The following GRM5 variants were observed in gnomAD, a reference collection of about 807,000 sequenced individuals.
GRM5 encodes the protein glutamate metabotropic receptor 5, also known as metabotropic glutamate receptor 5.
In GRM5, 19 loss-of-function variants were observed where a neutral mutation model predicts 83.1. That is an observed-to-expected ratio of 0.23 (90% CI 0.16 to 0.34). GRM5 has a LOEUF of 0.34. GRM5 is among the 10% of genes least tolerant of loss of function. The pLI, the probability that GRM5 is intolerant of heterozygous loss-of-function variation, is 1.00. For synonymous variants in GRM5, 675 were observed against 633.6 expected, an observed-to-expected ratio of 1.07 and a Z score of -0.98; for missense variants, 1,160 against 1,588.3, an observed-to-expected ratio of 0.73 and a Z score of 4.58.
At chr11:88,988,269 GATGAAATGA>G (rs1002066837) in intron 2 of GRM5, among the ~76,000 whole-genome samples, 3 of 152,094 alleles carry the variant, frequency 2.0e-5, no homozygotes, top group Non-Finnish European at 4.4e-5. Context: ...AGCGATGGAA[GATGAAATGA>G]ATGAAATGAA....
At chr11:88,651,272 A>AAATG in intron 4 of GRM5, among the ~76,000 whole-genome samples, 1 of 152,210 alleles carries the variant, frequency 6.6e-6, no homozygotes, top group Non-Finnish European at 1.5e-5. Flanking sequence ...GGCATTTCAG[A>AAATG]CCAAAAAACA....
intron 4 of GRM5, among the ~76,000 whole-genome samples, chr11:88,615,245 A>AACTC (rs1420106442): frequency 2.0e-5 from 3 of 152,124 alleles, no homozygotes; most frequent in Non-Finnish European, 2.9e-5. Flanking sequence ...AGTGATTGCA[A>AACTC]ACTCCTCCCC....
intron 2 of GRM5, among the ~76,000 whole-genome samples, chr11:88,922,145 A>G (rs1163873158): frequency 6.6e-6 from 1 of 152,206 alleles, no homozygotes; most frequent in Non-Finnish European, 1.5e-5. Flanking sequence ...TAACATTGTT[A>G]AAATGCCCAT....
rs1187525667 is a variant in GRM5 at position 89,031,106 on chromosome 11, C to A, written c.661+16106G>T. ...TGGACACATTATATATTTAAAACTT[C>A]AAAATTATATTTTGTAGGACAAAAA... On this transcript the variant is annotated intron_variant, in intron 2 of 9. Coordinates refer to ENST00000305447, the MANE Select transcript of GRM5 (RefSeq NM_001143831.3). Among the ~76,000 whole-genome samples the A allele has an allele frequency of 3.9e-5, 6 of 151,968 alleles. No individual in the cohort carries two copies. The East Asian group carries it at 1.2e-3, about 29-fold the overall frequency.
intron 2 of GRM5, among the ~76,000 whole-genome samples, chr11:88,946,569 A>G (rs1049448846): frequency 1.3e-5 from 2 of 152,070 alleles, no homozygotes; most frequent in African/African-American, 4.8e-5. Context: ...AAACAGAGAA[A>G]ATCAAATATT....
chr11:88,782,621 T>TTA (rs2135464620), intron 3 of GRM5, among the ~76,000 whole-genome samples: 1 of 152,256 alleles, frequency 6.6e-6, no homozygotes, highest in East Asian at 1.9e-4. Context: ...CCATATCACC[T>TTA]TATATATATT....
chr11:88,589,415 T>A (rs978422106), intron 7 of GRM5, among the ~76,000 whole-genome samples: 8 of 152,162 alleles, frequency 5.3e-5, no homozygotes, highest in African/African-American at 1.7e-4. Flanking sequence ...AATCAGATTT[T>A]TTTTTTAAGA....
At chr11:88,997,707 T>C in intron 2 of GRM5, among the ~76,000 whole-genome samples, 1 of 152,008 alleles carries the variant, frequency 6.6e-6, no homozygotes. Flanking sequence ...TTTGAGGAAA[T>C]TAATCAATTC....
chr11:88,748,550 A>C (rs774829467), intron 3 of GRM5, among the ~76,000 whole-genome samples: 1 of 152,098 alleles, frequency 6.6e-6, no homozygotes, highest in Non-Finnish European at 1.5e-5. Flanking sequence ...CTGGATGAGA[A>C]AGGGTTCACC....
At chr11:89,039,937 G>A (rs1941489306) in intron 2 of GRM5, among the ~76,000 whole-genome samples, 1 of 152,122 alleles carries the variant, frequency 6.6e-6, no homozygotes. Context: ...GGAGCTGGGT[G>A]CACACCACCA....
chr11:89,035,192 A>G (rs1418966103), intron 2 of GRM5, among the ~76,000 whole-genome samples: 2 of 151,776 alleles, frequency 1.3e-5, no homozygotes, highest in South Asian at 4.1e-4. Flanking sequence ...AATCATTTCC[A>G]TAAAAACATA....
chr11:88,683,713 T>C (rs1203326784), intron 3 of GRM5, among the ~76,000 whole-genome samples: 1 of 152,176 alleles, frequency 6.6e-6, no homozygotes, highest in Non-Finnish European at 1.5e-5. Flanking sequence ...ATTTATTATA[T>C]AGGAAAAAAT....
chr11:89,018,156 C>T (rs1394319453), intron 2 of GRM5, among the ~76,000 whole-genome samples: 2 of 152,110 alleles, frequency 1.3e-5, no homozygotes, highest in Non-Finnish European at 2.9e-5. Flanking sequence ...TTATTGTTGT[C>T]ATTGCCATTA....
chr11:88,877,297 T>C (rs939439949), intron 2 of GRM5, among the ~76,000 whole-genome samples: 1 of 152,006 alleles, frequency 6.6e-6, no homozygotes, highest in Non-Finnish European at 1.5e-5. Context: ...CATTAGACAT[T>C]AGAAGAATGC....
intron 4 of GRM5, among the ~76,000 whole-genome samples, chr11:88,617,758 T>C (rs1380713876): frequency 1.3e-5 from 2 of 152,110 alleles, no homozygotes; most frequent in Non-Finnish European, 2.9e-5. Flanking sequence ...GTTTGTTCCT[T>C]TCTCTAGCCT....
chr11:89,049,728 C>T (rs994800643), intron 1 of GRM5, among the ~76,000 whole-genome samples: 3 of 152,038 alleles, frequency 2.0e-5, no homozygotes, highest in African/African-American at 7.2e-5. Flanking sequence ...CCAGATGTTC[C>T]AGAATAACTA....
At chr11:89,023,673 G>A (rs113356745) in intron 2 of GRM5, among the ~76,000 whole-genome samples, 1,748 of 151,294 alleles carry the variant, frequency 0.012, 23 homozygotes, top group African/African-American at 0.034. Flanking sequence ...GCGAAACCCC[G>A]TCTCTACTAA....
intron 3 of GRM5, among the ~76,000 whole-genome samples, chr11:88,656,889 A>T (rs1451770248): frequency 1.3e-5 from 2 of 152,162 alleles, no homozygotes; most frequent in African/African-American, 4.8e-5. Flanking sequence ...GAGGATGTGT[A>T]CAGGTTACAT....
chr11:88,942,774 C>T (rs523683), intron 2 of GRM5, among the ~76,000 whole-genome samples: 144,678 of 151,976 alleles, frequency 0.95, 69,256 homozygotes, highest in Non-Finnish European at 1. Context: ...TTGAAATTAC[C>T]TTGAAGTTTT....
Sources: allele counts gnomAD v4.1 joint callset (sites outside exome capture counted in the v4.1 genomes callset), GRCh38; gene constraint gnomAD v4.1.1; transcripts MANE v1.5; gene names NCBI Gene and HGNC (gene_info 2026-07-23, HGNC 2026-07-21).